Variants in TTYH3 observed in about 807,000 individuals in gnomAD.
TTYH3 encodes protein tweety homolog 3.
Under a neutral mutation model 68.2 loss-of-function variants are expected in TTYH3, and 23 were observed. That is an observed-to-expected ratio of 0.34 (90% CI 0.24 to 0.48). TTYH3 has a LOEUF of 0.48. TTYH3 is among the 20% of genes least tolerant of loss of function. The pLI, the probability that TTYH3 is intolerant of heterozygous loss-of-function variation, is 0.99. For synonymous variants in TTYH3, 360 were observed against 332.8 expected (o/e 1.08, Z -0.89); for missense variants, 768 against 727.7 (o/e 1.06, Z -0.64).
At position 2,633,513 on chromosome 7, in the gene TTYH3, C is replaced by G. The variant is rs564230071; in HGVS notation, c.123+1235C>G. ...AGGGATCGGCCCAGGCACGCCCAGACACAGCAGGGAGGAGGGAGGCGGAAG... is the reference window on the plus strand; with the variant it reads ...AGGGATCGGCCCAGGCACGCCCAGAGACAGCAGGGAGGAGGGAGGCGGAAG... On this transcript the variant is annotated intron_variant, in intron 1 of 13. Coordinates refer to ENST00000258796, the MANE Select transcript of TTYH3 (RefSeq NM_025250.3). 2.0e-5 allele frequency among the ~76,000 whole-genome samples: 3 copies of G among 152,312 alleles called. No homozygotes were observed. The East Asian group carries it at 5.8e-4, about 29-fold the overall frequency.
Position 2,661,807 on chromosome 7 carries a change from C to T in TTYH3, c.*68C>T. On this transcript the variant is annotated 3_prime_UTR_variant, in exon 14 of 14. Coordinates refer to ENST00000258796, the MANE Select transcript of TTYH3 (RefSeq NM_025250.3). The stretch of plus-strand genomic sequence containing the variant: ...CCCCGTGCCAGCACTGCCGCTTCCA[C>T]CTGGGCCACCCACCGGACCCTCGCA... 1 of 1,512,548 alleles carries T rather than the reference C, an allele frequency of 6.6e-7. No individual in the cohort carries two copies. The highest frequency in any genetic ancestry group is 9.0e-7 in the Non-Finnish European group (1 of 1,117,038). 93.7% of individuals were successfully genotyped at this position (1,512,548 alleles called of 1,614,324 possible). A position where few individuals can be genotyped will look rare whatever the true frequency, so the allele number is the denominator to read the frequency against.
intron 11 of TTYH3, among the ~76,000 whole-genome samples, chr7:2,657,187 T>G (rs1270301836): frequency 6.6e-6 from 1 of 152,224 alleles, no homozygotes; most frequent in Non-Finnish European, 1.5e-5. Context: ...CCTCTCCCAC[T>G]TGGACTGTGG....
chr7:2,658,100 A>G (rs1244084949), intron 11 of TTYH3, among the ~76,000 whole-genome samples, 186 bp from the exon 12 acceptor site: 2 of 152,268 alleles, frequency 1.3e-5, no homozygotes, highest in East Asian at 3.9e-4. Flanking sequence ...ATAGCACCCC[A>G]CCTCGCAAGG....
rs60861423 is a variant in TTYH3 at position 2,653,838 on chromosome 7, G to C, written c.1020+828G>C. On this transcript the variant is annotated intron_variant, in intron 9 of 13. Transcript: ENST00000258796. Reference sequence around the variant, plus strand: ...AGATCACGCCACTGCACTCCAGCCTGGGCAACAGAGCGAGACTCCATCTCA... The same window carrying C: ...AGATCACGCCACTGCACTCCAGCCTCGGCAACAGAGCGAGACTCCATCTCA... 1.9e-3 allele frequency among the ~76,000 whole-genome samples: 289 copies of C among 152,306 alleles called. 1 individual carries two copies. Among genetic ancestry groups the C allele is most frequent in the African/African-American group, 6.8e-3 (284 of 41,554 alleles).
chr7:2,636,523 A>C (rs1445451859), intron 1 of TTYH3, among the ~76,000 whole-genome samples: 3 of 152,166 alleles, frequency 2.0e-5, no homozygotes, highest in African/African-American at 7.2e-5. Context: ...TTCTGTACCT[A>C]CAGATGACAG....
At chr7:2,656,652 C>G in intron 11 of TTYH3, 118 bp downstream of exon 11, 1 of 1,260,024 alleles carries the variant, frequency 7.9e-7, no homozygotes, top group Non-Finnish European at 1.1e-6. Context: ...GGACAGACAC[C>G]TCCTCACCTC....
In TTYH3 at chr7:2,642,371, G is replaced by A. The variant is rs570805197; in HGVS notation, c.124-4482G>A. Among the ~76,000 whole-genome samples the A allele has an allele frequency of 1.9e-4, 29 of 151,670 alleles. No homozygotes were observed. The East Asian group carries it at 5.5e-3, about 29-fold the overall frequency. The stretch of plus-strand genomic sequence containing the variant: ...GGCTGGCCAACGTGGTGAACTCCCC[G>A]TCTCTACTAAAAATACAAAAATTAG... On this transcript the variant is annotated intron_variant, in intron 1 of 13. Transcript: ENST00000258796.
intron 1 of TTYH3, among the ~76,000 whole-genome samples, chr7:2,636,380 C>T (rs572786278): frequency 6.6e-6 from 1 of 152,160 alleles, no homozygotes; most frequent in Non-Finnish European, 1.5e-5. Flanking sequence ...GTCCCTCCAG[C>T]TGGGTTCAGT....
chr7:2,649,768 C>T lies in TTYH3; in HGVS notation c.795+129C>T, dbSNP rs1713071340. 1.1e-5 allele frequency: 15 copies of T among 1,426,534 alleles called. No homozygotes were observed. The South Asian group carries it at 1.6e-4, about 15-fold the overall frequency. 88.4% of individuals were successfully genotyped at this position (1,426,534 alleles called of 1,614,324 possible). A position where few individuals can be genotyped will look rare whatever the true frequency, so the allele number is the denominator to read the frequency against. ...GGTCCCGAGAGCGGTGGGGACCCACCATGGGCACAGTCCACCTGTAACCCC... is the reference window on the plus strand; with the variant it reads ...GGTCCCGAGAGCGGTGGGGACCCACTATGGGCACAGTCCACCTGTAACCCC... On this transcript the variant is annotated intron_variant, in intron 6 of 13. Transcript: ENST00000258796.
intron 7 of TTYH3, 125 bp downstream of exon 7, chr7:2,650,113 C>G (rs1786126334): frequency 1.1e-6 from 1 of 922,344 alleles, no homozygotes; most frequent in African/African-American, 1.7e-5. Context: ...AGACAGGTCC[C>G]AGGCCAAGAT....
chr7:2,659,577 A>G (rs1786434678), intron 13 of TTYH3, among the ~76,000 whole-genome samples: 1 of 152,134 alleles, frequency 6.6e-6, no homozygotes, highest in African/African-American at 2.4e-5. Flanking sequence ...TTCCCGCGTA[A>G]GACACAGGCA....
chr7:2,638,097 C>T (rs576502115), intron 1 of TTYH3, among the ~76,000 whole-genome samples: 70 of 152,268 alleles, frequency 4.6e-4, no homozygotes, highest in Non-Finnish European at 1.0e-3. Context: ...CCCTGCAGCC[C>T]TGTGTCTGGG....
Position 2,652,932 on chromosome 7 carries a change from C to T in TTYH3, c.942C>T (p.Ser314=), listed in dbSNP as rs747820313. 1.9e-6 allele frequency: 3 copies of T among 1,571,084 alleles called. No homozygotes were observed. Among genetic ancestry groups the T allele is most frequent in the Admixed American group, 3.9e-5 (2 of 51,878 alleles). Residue 314 remains serine, a synonymous_variant, in exon 9 of 14, where the codon AGC becomes AGT. Coordinates refer to ENST00000258796, the MANE Select transcript of TTYH3 (RefSeq NM_025250.3). ...ANPFQQKLSG[S]HKALVEMQDV... is the part of the protein sequence containing the mutation. The stretch of plus-strand genomic sequence containing the variant: ...CTCTGGAGCAGAAGCTGTCGGGCAG[C>T]CACAAGGCACTGGTGGAGATGCAGG...
intron 13 of TTYH3, chr7:2,660,627 G>C: frequency 1.1e-6 from 1 of 910,744 alleles, no homozygotes. Flanking sequence ...TCCGGGCCGT[G>C]GCTCCTCCCC....
Position 2,647,237 on chromosome 7 carries a change from C to A in TTYH3, c.389C>A (p.Ala130Asp). Residue 130 changes from alanine to aspartate, a missense_variant, in exon 3 of 14, where the codon GCC becomes GAC. Physicochemically the swap from Ala to Asp is moderately radical, Grantham distance 126 (BLOSUM62 -2). Transcript: ENST00000258796. ...CTCCGCCACGCCAACCGCACGGTGG[C>A]CGGGGTCCAGGACCGCGTGAGTGGC... is the stretch of plus-strand genomic sequence containing the variant. ...YSLRHANRTV[A>D]GVQDRVWDTA... 6.3e-7 allele frequency: 1 copy of A among 1,593,512 alleles called. No individual in the cohort carries two copies. Among genetic ancestry groups the A allele is most frequent in the Admixed American group, 1.7e-5 (1 of 57,376 alleles).
chr7:2,651,648 C>G (rs1483273113), intron 7 of TTYH3, among the ~76,000 whole-genome samples: 5 of 152,268 alleles, frequency 3.3e-5, no homozygotes, highest in Non-Finnish European at 7.3e-5. Context: ...GCAGCAAGGC[C>G]AGCCACGCTG....
At chr7:2,661,506 C>T (rs1786495500) in intron 13 of TTYH3, among the ~76,000 whole-genome samples, 162 bp from the exon 14 acceptor site, 3 of 152,124 alleles carry the variant, frequency 2.0e-5, no homozygotes, top group Admixed American at 2.0e-4. Context: ...GCCAGCGGCC[C>T]CTCCTTAGCC....
intron 7 of TTYH3, among the ~76,000 whole-genome samples, chr7:2,651,884 A>C (rs1786186739): frequency 6.6e-6 from 1 of 152,190 alleles, no homozygotes; most frequent in Non-Finnish European, 1.5e-5. Context: ...AGACATAGGC[A>C]TGTGTGTAAA....
rs1161337550 is a variant in TTYH3 at position 2,652,234 on chromosome 7, T to C, written c.919T>C (p.Phe307Leu). 6.2e-7 allele frequency: 1 copy of C among 1,612,514 alleles called. No individual in the cohort carries two copies. Residue 307 changes from phenylalanine to leucine, a missense_variant, in exon 8 of 14, where the codon TTC (phenylalanine) becomes CTC (leucine). Coordinates refer to ENST00000258796, the MANE Select transcript of TTYH3 (RefSeq NM_025250.3). ...LACSPRAANP[F>L]QQKLSGSHKA... ...CTGCTCGCCCCGCGCCGCCAACCCC[T>C]TCCAGCAGGTGAGAGCCTGGGAGGC...
Sources: allele counts gnomAD v4.1 joint callset (sites outside exome capture counted in the v4.1 genomes callset), GRCh38; gene constraint gnomAD v4.1.1; transcripts MANE v1.5; gene names NCBI Gene and HGNC (gene_info 2026-07-23, HGNC 2026-07-21).